Variants in PRKAR2A observed in about 807,000 individuals in gnomAD.
PRKAR2A encodes the protein cAMP-dependent protein kinase type II-alpha regulatory subunit.
In PRKAR2A, 29 loss-of-function variants were observed where a neutral mutation model predicts 51.9. That is an observed-to-expected ratio of 0.56 (90% CI 0.42 to 0.76). The LOEUF is 0.76. PRKAR2A is among the 30% of genes least tolerant of loss of function. The pLI, the probability that PRKAR2A is intolerant of heterozygous loss-of-function variation, is 0.00. For synonymous variants in PRKAR2A, 178 were observed against 186.2 expected, an observed-to-expected ratio of 0.96 and a Z score of 0.36; for missense variants, 445 against 512.1, an observed-to-expected ratio of 0.87 and a Z score of 1.26.
At chr3:48,837,010 C>G (rs974077891) in intron 1 of PRKAR2A, among the ~76,000 whole-genome samples, 3 of 151,922 alleles carry the variant, frequency 2.0e-5, no homozygotes, top group Non-Finnish European at 4.4e-5. Flanking sequence ...TGCCTGTAGT[C>G]CTAGCTACTT....
chr3:48,784,915 G>A (rs985233879), intron 4 of PRKAR2A, among the ~76,000 whole-genome samples: 2 of 152,150 alleles, frequency 1.3e-5, no homozygotes, highest in African/African-American at 4.8e-5. Flanking sequence ...GATTCATGAT[G>A]TTAGGTGAAG....
chr3:48,845,429 T>C (rs983229188), intron 1 of PRKAR2A, among the ~76,000 whole-genome samples: 1 of 152,210 alleles, frequency 6.6e-6, no homozygotes, highest in Non-Finnish European at 1.5e-5. Context: ...CTGCCGTGAC[T>C]TGAATACTGG....
At chr3:48,808,120 T>C (rs2107361629) in intron 1 of PRKAR2A, among the ~76,000 whole-genome samples, 1 of 150,248 alleles carries the variant, frequency 6.7e-6, no homozygotes, top group South Asian at 2.2e-4. Context: ...CGATCTCGGC[T>C]CACTGCAAGC....
In PRKAR2A at chr3:48,777,129, C is replaced by T. The variant is rs533199413; in HGVS notation, c.543-4021G>A. ...GTGTAAGAGTACCCTCACTTAATCC[C>T]ACCTTCTAACCACCATAAATCCCAA... On this transcript the variant is annotated intron_variant, in intron 5 of 10. Coordinates refer to ENST00000265563, the MANE Select transcript of PRKAR2A (RefSeq NM_004157.4). Among the ~76,000 whole-genome samples the T allele has an allele frequency of 2.6e-5, 4 of 152,232 alleles. No homozygotes were observed. In the South Asian group the frequency reaches 8.3e-4, roughly 32 times the overall value.
chr3:48,817,325 CAATA>C (rs10545720), intron 1 of PRKAR2A, among the ~76,000 whole-genome samples: 34,773 of 138,652 alleles, frequency 0.25, 4,878 homozygotes, highest in African/African-American at 0.36. Flanking sequence ...GACTACGTCT[CAATA>C]AATAAATAAA....
intron 4 of PRKAR2A, among the ~76,000 whole-genome samples, chr3:48,789,825 C>T (rs1347799876): frequency 6.6e-6 from 1 of 151,702 alleles, no homozygotes; most frequent in African/African-American, 2.4e-5. Context: ...CAATTTCTTT[C>T]TCCCTCCCTC....
chr3:48,807,936 CCCA>C (rs1187279580), intron 1 of PRKAR2A, among the ~76,000 whole-genome samples: 2 of 152,126 alleles, frequency 1.3e-5, no homozygotes, highest in African/African-American at 4.8e-5. Flanking sequence ...TTTATTTCTG[CCCA>C]CATCTATATT....
At chr3:48,762,466 AAAC>A (rs1487479833) in intron 8 of PRKAR2A, among the ~76,000 whole-genome samples, 1 of 152,192 alleles carries the variant, frequency 6.6e-6, no homozygotes, top group East Asian at 1.9e-4. Context: ...TCTACTAAAA[AAAC>A]ACACACATGC....
chr3:48,745,246 T>TG (rs2107171978), downstream of PRKAR2A, among the ~76,000 whole-genome samples: 1 of 151,912 alleles, frequency 6.6e-6, no homozygotes, highest in African/African-American at 2.4e-5. Context: ...TCTTACTATG[T>TG]TGCCCAGGCT....
chr3:48,776,308 T>C (rs1232900718), intron 5 of PRKAR2A, among the ~76,000 whole-genome samples: 5 of 152,098 alleles, frequency 3.3e-5, no homozygotes, highest in Admixed American at 6.6e-5. Context: ...CCCTTTGATA[T>C]AGCAATTCCA....
intron 1 of PRKAR2A, among the ~76,000 whole-genome samples, chr3:48,844,776 G>T (rs969872969): frequency 6.8e-6 from 1 of 147,606 alleles, no homozygotes; most frequent in Non-Finnish European, 1.5e-5. Context: ...TCACAGATGG[G>T]AATTGAACAA....
In PRKAR2A at chr3:48,760,584, G is replaced by A. The variant is rs541691211; in HGVS notation, c.874-4140C>T. 3.4e-4 allele frequency among the ~76,000 whole-genome samples: 51 copies of A among 151,270 alleles called. 1 individual carries two copies. The highest frequency in any genetic ancestry group is 7.3e-4 in the African/African-American group (30 of 41,194). ...CACCTGTAATCCCAGCACTTTGGGAGGCCGAGGCTGAGGTGGGCGGATCAC... is the reference window on the plus strand; with the variant it reads ...CACCTGTAATCCCAGCACTTTGGGAAGCCGAGGCTGAGGTGGGCGGATCAC... On this transcript the variant is annotated intron_variant, in intron 8 of 10. Transcript: ENST00000265563.
At chr3:48,798,718 T>A (rs1022876408) in intron 2 of PRKAR2A, among the ~76,000 whole-genome samples, 5 of 151,656 alleles carry the variant, frequency 3.3e-5, no homozygotes, top group African/African-American at 1.2e-4. Context: ...TGGTATGCAG[T>A]GGCACAATCT....
intron 1 of PRKAR2A, among the ~76,000 whole-genome samples, chr3:48,844,288 T>C (rs1449343961): frequency 2.0e-5 from 3 of 151,936 alleles, no homozygotes; most frequent in African/African-American, 7.2e-5. Context: ...CACAATGAGA[T>C]ACCATCTCAC....
intron 2 of PRKAR2A, among the ~76,000 whole-genome samples, chr3:48,806,833 G>A (rs1051364707): frequency 9.2e-5 from 14 of 151,666 alleles, no homozygotes; most frequent in Admixed American, 3.3e-4. Flanking sequence ...GTGCAGTAGC[G>A]TGATCTTGGC....
intron 1 of PRKAR2A, among the ~76,000 whole-genome samples, chr3:48,815,848 A>G (rs1482085205): frequency 3.3e-5 from 5 of 150,456 alleles, no homozygotes; most frequent in African/African-American, 1.2e-4. Context: ...GTGAAACCCC[A>G]TCTCTACTAA....
chr3:48,771,687 G>A (rs2082030917), intron 6 of PRKAR2A, among the ~76,000 whole-genome samples: 1 of 151,952 alleles, frequency 6.6e-6, no homozygotes, highest in African/African-American at 2.4e-5. Context: ...CCAAAGTGCT[G>A]GGATAACAGG....
chr3:48,833,878 A>G (rs981315086), intron 1 of PRKAR2A, among the ~76,000 whole-genome samples: 1 of 151,676 alleles, frequency 6.6e-6, no homozygotes, highest in Non-Finnish European at 1.5e-5. Context: ...TCTACTAAAA[A>G]ATACAAAAAC....
intron 1 of PRKAR2A, among the ~76,000 whole-genome samples, chr3:48,838,775 G>C (rs1166758526): frequency 6.7e-6 from 1 of 148,770 alleles, no homozygotes; most frequent in Admixed American, 6.7e-5. Context: ...TCAGGAGATC[G>C]AGACCATCCC....
Sources: gnomAD v4.1 joint callset for allele counts (sites outside exome capture counted in the v4.1 genomes callset) on GRCh38, gnomAD v4.1.1 for gene constraint, MANE v1.5 for transcripts, NCBI Gene and HGNC (gene_info 2026-07-23, HGNC 2026-07-21) for gene names.